Variants in LRRIQ4 observed in about 807,000 individuals in gnomAD.
LRRIQ4 encodes leucine rich repeats and IQ motif containing 4.
Under a neutral mutation model 40.1 loss-of-function variants are expected in LRRIQ4, and 21 were observed. That is an observed-to-expected ratio of 0.52 (90% CI 0.37 to 0.75). The LOEUF (loss-of-function observed/expected upper bound fraction) is 0.75. LRRIQ4 is among the 30% of genes least tolerant of loss of function. LRRIQ4 has a pLI of 0.00. For missense variants in LRRIQ4, 655 were observed against 660.0 expected (o/e 0.99, Z 0.08); for synonymous variants, 277 against 277.1 (o/e 1.00, Z 0.00).
At chr3:169,817,535 C>T (rs973062814) in intron 1 of LRRIQ4, among the ~76,000 whole-genome samples, 1 of 152,212 alleles carries the variant, frequency 6.6e-6, no homozygotes, top group Non-Finnish European at 1.5e-5. Flanking sequence ...ATGCTGAAAT[C>T]AACAGCCATT....
intron 1 of LRRIQ4, among the ~76,000 whole-genome samples, chr3:169,814,055 CAGTT>C (rs1446107585): frequency 2.0e-5 from 3 of 152,112 alleles, no homozygotes; most frequent in African/African-American, 7.2e-5. Context: ...TCAATCAGCT[CAGTT>C]AGACCCTCTG....
intron 5 of LRRIQ4, 76 bp downstream of exon 5, chr3:169,833,259 C>A: frequency 8.1e-7 from 1 of 1,237,708 alleles, no homozygotes; most frequent in South Asian, 1.5e-5. Flanking sequence ...GATTATCCTA[C>A]GGAGCAACTC....
chr3:169,823,015 A>C (rs1160697403), intron 2 of LRRIQ4, 74 bp downstream of exon 2: 12 of 1,308,980 alleles, frequency 9.2e-6, no homozygotes, highest in East Asian at 5.2e-5. Context: ...TTCTGTATCT[A>C]AACAGCAAAT....
Position 169,828,943 on chromosome 3 carries a change from C to T in LRRIQ4, c.1194+11C>T. 1 of 1,597,502 alleles carries T rather than the reference C, an allele frequency of 6.3e-7. No homozygotes were observed. Among genetic ancestry groups the T allele is most frequent in the Non-Finnish European group, 8.5e-7 (1 of 1,174,500 alleles). ...ATTAGGAAACTGCAGGTAAGCCTCC[C>T]CAAATGAGCAGGCTAAGAAGCACCT... On this transcript the variant is annotated intron_variant, in intron 3 of 5. Coordinates refer to ENST00000340806, the MANE Select transcript of LRRIQ4 (RefSeq NM_001080460.3).
chr3:169,830,683 C>T, intron 4 of LRRIQ4, 53 bp downstream of exon 4: 3 of 1,607,260 alleles, frequency 1.9e-6, no homozygotes, highest in Non-Finnish European at 8.5e-7. Flanking sequence ...CCAGCATTTC[C>T]TATGGCAAAT....
intron 4 of LRRIQ4, 56 bp downstream of exon 4, chr3:169,830,686 T>C (rs931496479): frequency 1.0e-5 from 16 of 1,599,932 alleles, no homozygotes; most frequent in African/African-American, 9.4e-5. Context: ...GCATTTCCTA[T>C]GGCAAATGGC....
rs1385815703 is a variant in LRRIQ4 at position 169,822,762 on chromosome 3, T to G, written c.841T>G (p.Ser281Ala). Residue 281 changes from serine (S) to alanine (A), a missense_variant, in exon 2 of 6, where the codon TCG (serine) becomes GCG (alanine). Coordinates refer to ENST00000340806, the MANE Select transcript of LRRIQ4 (RefSeq NM_001080460.3). ...GCCACGCCTCATTTGCAGGTGGACC[T>G]CGCTGCACCTGCTCTACCTGGGAAA... ...KVPRLICRWT[S>A]LHLLYLGNTG... 4 of 1,613,686 alleles carry G rather than the reference T, an allele frequency of 2.5e-6. No individual in the cohort carries two copies. The highest frequency in any genetic ancestry group is 3.4e-6 in the Non-Finnish European group (4 of 1,179,726).
intron 1 of LRRIQ4, among the ~76,000 whole-genome samples, chr3:169,819,150 C>A (rs970710670): frequency 6.6e-6 from 1 of 152,002 alleles, no homozygotes; most frequent in Non-Finnish European, 1.5e-5. Context: ...TGTAGCAATC[C>A]CTAGAGAAAA....
At chr3:169,828,680 C>G (rs571087545) in intron 2 of LRRIQ4, 79 bp from the exon 3 acceptor site, 1 of 1,384,194 alleles carries the variant, frequency 7.2e-7, no homozygotes, top group Non-Finnish European at 1.0e-6. Flanking sequence ...AGCAGTCTGC[C>G]TCAAAACCAG....
chr3:169,833,256 C>A, intron 5 of LRRIQ4, 73 bp downstream of exon 5: 1 of 1,307,306 alleles, frequency 7.6e-7, no homozygotes, highest in Non-Finnish European at 1.1e-6. Context: ...ACAGATTATC[C>A]TACGGAGCAA....
At position 169,830,649 on chromosome 3, in the gene LRRIQ4, T is replaced by TTCACAG; in HGVS notation, c.1333+20_1333+25dup. 2 of 1,613,784 alleles carry TTCACAG rather than the reference T, an allele frequency of 1.2e-6. No individual in the cohort carries two copies. The highest frequency in any genetic ancestry group is 1.7e-6 in the Non-Finnish European group (2 of 1,179,826). ...GCACAAGGTGAGGAAACTTAGTAGA[T>TTCACAG]TCACAGCCTAGCAGAGTTTGTGGCC... is the stretch of plus-strand genomic sequence containing the variant. On this transcript the variant is annotated intron_variant, in intron 4 of 5. Coordinates refer to ENST00000340806, the MANE Select transcript of LRRIQ4 (RefSeq NM_001080460.3).
rs201879509 is a variant in LRRIQ4, at chr3:169,833,008, A to T, written c.1355A>T (p.Glu452Val). The T allele has an allele frequency of 6.2e-7, 1 of 1,610,830 alleles. No homozygotes were observed. Among genetic ancestry groups the T allele is most frequent in the Non-Finnish European group, 8.5e-7 (1 of 1,179,258 alleles). The change falls in exon 5 of 6, where the codon GAG becomes GTG. Residue 452 changes from glutamate to valine, a missense_variant. By Grantham distance (121) the Glu-to-Val change is moderately radical. Transcript: ENST00000340806. ...TCAGCTTTGAAAGAATTACGGCTGG[A>T]GGACAACTTGCTCACCCATCTTCCA... ...QAQALKELRL[E>V]DNLLTHLPEN...
chr3:169,837,389 C>A, intron 5 of LRRIQ4, 90 bp from the exon 6 acceptor site: 1 of 1,392,280 alleles, frequency 7.2e-7, no homozygotes, highest in South Asian at 1.4e-5. Flanking sequence ...TCCACGTCTT[C>A]AAGACCATGT....
chr3:169,830,629 A>G lies in LRRIQ4; in HGVS notation c.1332A>G (p.Gln444=). The part of the protein sequence containing the change: ...KQLPDAICQA[Q]ALKELRLEDN... The stretch of plus-strand genomic sequence containing the variant: ...TTCCAGATGCCATTTGCCAAGCACA[A>G]GGTGAGGAAACTTAGTAGATTCACA... Residue 444 remains glutamine, a splice_region_variant and synonymous_variant, in exon 4 of 6, where the codon CAA becomes CAG. Coordinates refer to ENST00000340806, the MANE Select transcript of LRRIQ4 (RefSeq NM_001080460.3). 1 of 1,613,876 alleles carries G rather than the reference A, an allele frequency of 6.2e-7. No homozygotes were observed. The highest frequency in any genetic ancestry group is 8.5e-7 in the Non-Finnish European group (1 of 1,179,848).
At chr3:169,824,445 C>A (rs12696308) in intron 2 of LRRIQ4, among the ~76,000 whole-genome samples, 33 of 151,954 alleles carry the variant, frequency 2.2e-4, no homozygotes, top group African/African-American at 6.8e-4. Flanking sequence ...CAGTTGGGCA[C>A]GCGTGGGTTT....
At position 169,837,543 on chromosome 3, in the gene LRRIQ4, A is replaced by T. The variant is rs753428359; in HGVS notation, c.1595A>T (p.Lys532Ile). Residue 532 changes from lysine to isoleucine, a missense_variant, in exon 6 of 6, where the codon AAA (lysine) becomes ATA (isoleucine). Coordinates refer to ENST00000340806, the MANE Select transcript of LRRIQ4 (RefSeq NM_001080460.3). Reference protein sequence around the residue: ...RGFGKFGELLKPQKKGKTSPK... With the variant: ...RGFGKFGELLIPQKKGKTSPK... Reference sequence around the variant, plus strand: ...TTTGGGAAATTCGGTGAACTACTAAAACCACAAAAGAAAGGAAAGACCTCT... The same window carrying T: ...TTTGGGAAATTCGGTGAACTACTAATACCACAAAAGAAAGGAAAGACCTCT... 1 of 1,608,254 alleles carries T rather than the reference A, an allele frequency of 6.2e-7. No homozygotes were observed. The highest frequency in any genetic ancestry group is 8.5e-7 in the Non-Finnish European group (1 of 1,177,466).
chr3:169,820,605 C>T (rs540555540), intron 1 of LRRIQ4, among the ~76,000 whole-genome samples: 64 of 148,362 alleles, frequency 4.3e-4, no homozygotes, highest in African/African-American at 1.4e-3. Flanking sequence ...GGCGCGATCT[C>T]GGCTTACTGC....
At chr3:169,832,950 C>G (rs1309554478) in intron 4 of LRRIQ4, 37 bp from the exon 5 acceptor site, 1 of 1,564,262 alleles carries the variant, frequency 6.4e-7, no homozygotes, top group East Asian at 2.2e-5. Context: ...ATTGTTTCTT[C>G]TAAGATTGAA....
intron 2 of LRRIQ4, among the ~76,000 whole-genome samples, chr3:169,824,680 T>G (rs1263186545): frequency 1.3e-5 from 2 of 151,954 alleles, no homozygotes; most frequent in African/African-American, 2.4e-5. Flanking sequence ...ACCCGGCTAA[T>G]TTTTGTATTT....
Sources: gnomAD v4.1 joint callset for allele counts (sites outside exome capture counted in the v4.1 genomes callset) on GRCh38, gnomAD v4.1.1 for gene constraint, MANE v1.5 for transcripts, NCBI Gene and HGNC (gene_info 2026-07-23, HGNC 2026-07-21) for gene names.